The following LEPR variants were observed in gnomAD, a reference collection of about 807,000 sequenced individuals.
LEPR encodes OB receptor.
Under a neutral mutation model 114.7 loss-of-function variants are expected in LEPR, and 56 were observed. The ratio of observed to expected loss-of-function variants is 0.49; its 90% CI spans 0.39 to 0.61. The LOEUF (loss-of-function observed/expected upper bound fraction) is 0.61, where lower values mean the gene tolerates loss of function less well. Ranked by LOEUF, LEPR falls within the 20% of genes least tolerant of loss-of-function variation. LEPR has a pLI of 0.00. For missense variants in LEPR, 1,202 were observed against 1,352.9 expected, an observed-to-expected ratio of 0.89 and a Z score of 1.75; for synonymous variants, 443 against 461.4, an observed-to-expected ratio of 0.96 and a Z score of 0.51.
intron 2 of LEPR, chr1:65,433,365 A>T: frequency 1.0e-6 from 1 of 985,450 alleles, no homozygotes; most frequent in South Asian, 4.7e-5. Context: ...ATCATTGGGT[A>T]TACCTGTCAT....
chr1:65,540,089 A>G (rs970766715), intron 2 of LEPR, among the ~76,000 whole-genome samples: 1 of 152,098 alleles, frequency 6.6e-6, no homozygotes, highest in Non-Finnish European at 1.5e-5. Context: ...CTGCTGTGCA[A>G]TGTTTGTGAG....
In LEPR at chr1:65,482,038, A is replaced by C. The variant is rs369289200; in HGVS notation, c.-21+56660A>C. Among the ~76,000 whole-genome samples the C allele has an allele frequency of 2.6e-5, 4 of 152,124 alleles. No individual in the cohort carries two copies. The East Asian group carries it at 5.8e-4, about 22-fold the overall frequency. On this transcript the variant is annotated intron_variant, in intron 2 of 19. Coordinates refer to ENST00000349533, the MANE Select transcript of LEPR (RefSeq NM_002303.6). ...TGGATAAAAATCAATATACAAATAC[A>C]TTGTATTTCTATACAACAGCAACAA...
At chr1:65,539,081 T>C (rs1435769851) in intron 2 of LEPR, among the ~76,000 whole-genome samples, 1 of 149,202 alleles carries the variant, frequency 6.7e-6, no homozygotes, top group African/African-American at 2.5e-5. Context: ...TTTTTGCCTT[T>C]GGGGGGAAAT....
chr1:65,492,579 A>T (rs1647929394), intron 2 of LEPR, among the ~76,000 whole-genome samples: 1 of 152,026 alleles, frequency 6.6e-6, no homozygotes, highest in Admixed American at 6.6e-5. Context: ...ATAATTGCAA[A>T]ACTAGTTTTA....
intron 2 of LEPR, among the ~76,000 whole-genome samples, chr1:65,497,604 A>G (rs1276488478): frequency 6.6e-6 from 1 of 152,144 alleles, no homozygotes; most frequent in East Asian, 1.9e-4. Context: ...TGGAATGGGA[A>G]TGAGAGAGAA....
chr1:65,551,996 T>A (rs1652413888), intron 2 of LEPR, among the ~76,000 whole-genome samples: 1 of 152,220 alleles, frequency 6.6e-6, no homozygotes, highest in South Asian at 2.1e-4. Context: ...GTTGTTCAGT[T>A]TCCATGCAGT....
intron 6 of LEPR, 91 bp downstream of exon 6, chr1:65,592,956 TC>T: frequency 7.1e-7 from 1 of 1,407,486 alleles, no homozygotes; most frequent in East Asian, 2.5e-5. Context: ...TGCTAGCTTA[TC>T]TCACTTTGCT....
chr1:65,567,834 T>C (rs2100793451), intron 3 of LEPR, among the ~76,000 whole-genome samples: 1 of 151,838 alleles, frequency 6.6e-6, no homozygotes, highest in East Asian at 1.9e-4. Context: ...GCCCCACACA[T>C]TTATAACCCC....
rs1422436948 is a variant in LEPR, at chr1:65,425,289, T to C, written c.-96-14T>C. 1.9e-6 allele frequency: 3 copies of C among 1,611,850 alleles called. No homozygotes were observed. In the East Asian group the frequency reaches 6.7e-5, roughly 36 times the overall value. On this transcript the variant is annotated splice_polypyrimidine_tract_variant and intron_variant, in intron 1 of 19. Transcript: ENST00000349533. ...TACTGTGGGAACTTTAACTTTTGGC[T>C]TTATTTTTCACAGCTCTCGTGGCAT...
rs575310868 is a variant in LEPR, at chr1:65,636,336, T to C, written c.2819T>C (p.Val940Ala). 2.2e-5 allele frequency: 36 copies of C among 1,614,066 alleles called. No homozygotes were observed. In the South Asian group the frequency reaches 3.3e-4, roughly 15 times the overall value. The change falls in exon 20 of 20, where the codon GTC (valine) becomes GCC (alanine). Residue 940 changes from valine (V) to alanine (A), a missense_variant. Val to Ala is a moderately conservative substitution (Grantham distance 64). Coordinates refer to ENST00000349533, the MANE Select transcript of LEPR (RefSeq NM_002303.6). ...NKDEMMPTTV[V>A]SLLSTTDLEK... ...GATGAGATGATGCCAACAACTGTGG[T>C]CTCTCTACTTTCAACAACAGATCTT... is the stretch of plus-strand genomic sequence containing the variant.
intron 19 of LEPR, chr1:65,635,308 GT>G: frequency 1.0e-6 from 1 of 980,914 alleles, no homozygotes; most frequent in Non-Finnish European, 1.2e-6. Flanking sequence ...TTTTGCATTT[GT>G]TTTTTCAATG....
chr1:65,493,989 A>C (rs1200342764), intron 2 of LEPR: 1 of 152,188 alleles, frequency 6.6e-6, no homozygotes, highest in East Asian at 1.9e-4. Flanking sequence ...TGGCACAAGG[A>C]GTTGATTCCG....
intron 2 of LEPR, among the ~76,000 whole-genome samples, chr1:65,547,366 T>A (rs533523954): frequency 3.3e-4 from 50 of 152,262 alleles, no homozygotes; most frequent in South Asian, 1.5e-3. Flanking sequence ...TGATTGGAGT[T>A]GTTTCAGAAG....
At chr1:65,476,349 A>G (rs1647159697) in intron 2 of LEPR, among the ~76,000 whole-genome samples, 1 of 152,052 alleles carries the variant, frequency 6.6e-6, no homozygotes, top group East Asian at 1.9e-4. Flanking sequence ...TGAACAGTCA[A>G]CAAATATTTA....
At position 65,560,015 on chromosome 1, in the gene LEPR, G is replaced by T. The variant is rs1029853805; in HGVS notation, c.-20-5531G>T. 1.4e-5 allele frequency among the ~76,000 whole-genome samples: 2 copies of T among 146,384 alleles called. 1 individual carries two copies. Among genetic ancestry groups the T allele is most frequent in the Non-Finnish European group, 3.0e-5 (2 of 66,048 alleles). Reference sequence around the variant, plus strand: ...CTCCAGCTTTGTTCTTTTGGCTTAGGATTGACTTGGTGATGCGGGCTCTTT... The same window carrying T: ...CTCCAGCTTTGTTCTTTTGGCTTAGTATTGACTTGGTGATGCGGGCTCTTT... On this transcript the variant is annotated intron_variant, in intron 2 of 19. Coordinates refer to ENST00000349533, the MANE Select transcript of LEPR (RefSeq NM_002303.6).
intron 7 of LEPR, among the ~76,000 whole-genome samples, chr1:65,597,625 T>C (rs1656155135): frequency 6.6e-6 from 1 of 151,994 alleles, no homozygotes; most frequent in African/African-American, 2.4e-5. Flanking sequence ...ACAGCAGTAG[T>C]GGTTGAATTC....
At chr1:65,586,489 A>G (rs1237118848) in intron 5 of LEPR, among the ~76,000 whole-genome samples, 1 of 152,034 alleles carries the variant, frequency 6.6e-6, no homozygotes, top group African/African-American at 2.4e-5. Context: ...TTTGTGGACC[A>G]TCCTGTCTTG....
chr1:65,450,280 T>A (rs149114789), intron 2 of LEPR, among the ~76,000 whole-genome samples: 10 of 152,168 alleles, frequency 6.6e-5, no homozygotes, highest in East Asian at 5.8e-4. Context: ...TTTTAAAAAA[T>A]TTATTATTAT....
chr1:65,608,156 T>TG (rs1034751425), intron 11 of LEPR, among the ~76,000 whole-genome samples: 11 of 151,838 alleles, frequency 7.2e-5, no homozygotes, highest in African/African-American at 2.7e-4. Context: ...CCATGGGTTT[T>TG]TTTTTTTTTT....
Sources: gnomAD v4.1 joint callset for allele counts (sites outside exome capture counted in the v4.1 genomes callset) on GRCh38, gnomAD v4.1.1 for gene constraint, MANE v1.5 for transcripts, NCBI Gene and HGNC (gene_info 2026-07-23, HGNC 2026-07-21) for gene names.